OR6C70: variants seen among roughly 807,000 people sequenced by gnomAD.
OR6C70 encodes olfactory receptor family 6 subfamily C member 70.
For missense variants in OR6C70, 437 were observed against 357.5 expected, an observed-to-expected ratio of 1.22 and a Z score of -1.79; for synonymous variants, 157 against 130.8, an observed-to-expected ratio of 1.20 and a Z score of -1.36.
rs1555180702 is a variant in OR6C70, at chr12:55,469,592, G to A, written c.547C>T (p.Leu183=). 2.4e-5 allele frequency: 38 copies of A among 1,613,712 alleles called. No individual in the cohort carries two copies. The highest frequency in any genetic ancestry group is 3.3e-5 in the South Asian group (3 of 91,054). Residue 183 remains leucine, a synonymous_variant, in exon 1 of 1, where the codon CTA becomes TTA. Transcript: ENST00000327335. ...DHFICDISLI[L]QLSCSDTHLL... ...TGTGTGTCTGAGCAAGAAAGTTGTA[G>A]GATAAGAGAAATGTCACAAATGAAA...
At position 55,469,569 on chromosome 12, in the gene OR6C70, T is replaced by G. The variant is rs1347502002; in HGVS notation, c.570A>C (p.Thr190=). 6.2e-7 allele frequency: 1 copy of G among 1,613,482 alleles called. No homozygotes were observed. The highest frequency in any genetic ancestry group is 8.5e-7 in the Non-Finnish European group (1 of 1,179,546). The stretch of plus-strand genomic sequence containing the variant: ...AAAAGGCAATCAGTTCCAGTAAATG[T>G]GTGTCTGAGCAAGAAAGTTGTAGGA... ...SLILQLSCSD[T]HLLELIAFLL... Residue 190 remains threonine, a synonymous_variant, in exon 1 of 1, where the codon ACA becomes ACC. Transcript: ENST00000327335.
Position 55,470,094 on chromosome 12 carries a change from C to T in OR6C70, c.45G>A (p.Leu15=). Residue 15 remains leucine, a synonymous_variant, in exon 1 of 1, where the codon CTG becomes CTA. Transcript: ENST00000327335. ...TRQIEFILLG[L]TDNSQLQIVI... is the part of the protein sequence containing the mutation. ...CAATCTGTAACTGAGAATTATCCGT[C>T]AGTCCCAGAAGAATAAATTCTATCT... 1.2e-6 allele frequency: 2 copies of T among 1,610,952 alleles called. No individual in the cohort carries two copies. The highest frequency in any genetic ancestry group is 4.5e-5 in the East Asian group (2 of 44,846).
rs772695835 is a variant in OR6C70, at chr12:55,469,769, T to C, written c.370A>G (p.Ile124Val). ...AALSYDRYVAICKPLRYMSIM... is the reference protein window; with the variant it reads ...AALSYDRYVAVCKPLRYMSIM... Reference sequence around the variant, plus strand: ...GACATATAACGCAAAGGTTTGCAGATGGCAACATAGCGATCATAGGACAGA... The same window carrying C: ...GACATATAACGCAAAGGTTTGCAGACGGCAACATAGCGATCATAGGACAGA... Residue 124 changes from isoleucine to valine, a missense_variant, in exon 1 of 1, where the codon ATC becomes GTC. By Grantham distance (29) the Ile-to-Val change is conservative. Coordinates refer to ENST00000327335, the MANE Select transcript of OR6C70 (RefSeq NM_001005499.1). 2.2e-5 allele frequency: 35 copies of C among 1,613,966 alleles called. No homozygotes were observed. The highest frequency in any genetic ancestry group is 2.8e-5 in the Non-Finnish European group (33 of 1,179,974).
chr12:55,469,695 T>C lies in OR6C70; in HGVS notation c.444A>G (p.Val148=). The C allele has an allele frequency of 5.0e-6, 8 of 1,614,060 alleles. No individual in the cohort carries two copies. Among genetic ancestry groups the C allele is most frequent in the Non-Finnish European group, 5.9e-6 (7 of 1,179,950 alleles). Residue 148 remains valine, a synonymous_variant, in exon 1 of 1, where the codon GTA becomes GTG. Transcript: ENST00000327335. ...GAGTGAAAATGATCAGGAATCCAGTTACCCAAGAACTGAATACAAGCTGGT... is the reference window on the plus strand; with the variant it reads ...GAGTGAAAATGATCAGGAATCCAGTCACCCAAGAACTGAATACAAGCTGGT... ...VCYQLVFSSW[V]TGFLIIFTPL...
chr12:55,470,091 C>T lies in OR6C70; in HGVS notation c.48G>A (p.Thr16=), dbSNP rs762320452. ...RQIEFILLGL[T]DNSQLQIVIF... ...TTACAATCTGTAACTGAGAATTATCCGTCAGTCCCAGAAGAATAAATTCTA... is the reference window on the plus strand; with the variant it reads ...TTACAATCTGTAACTGAGAATTATCTGTCAGTCCCAGAAGAATAAATTCTA... The change falls in exon 1 of 1, where the codon ACG becomes ACA. Residue 16 remains threonine (T), a synonymous_variant. Coordinates refer to ENST00000327335, the MANE Select transcript of OR6C70 (RefSeq NM_001005499.1). The T allele has an allele frequency of 2.3e-5, 37 of 1,610,834 alleles. No individual in the cohort carries two copies. Among genetic ancestry groups the T allele is most frequent in the Middle Eastern group, 1.6e-4 (1 of 6,068 alleles).
Position 55,470,062 on chromosome 12 carries a change from A to G in OR6C70, c.77T>C (p.Phe26Ser), listed in dbSNP as rs776582475. 6.2e-7 allele frequency: 1 copy of G among 1,613,460 alleles called. No homozygotes were observed. Among genetic ancestry groups the G allele is most frequent in the Non-Finnish European group, 8.5e-7 (1 of 1,179,508 alleles). Residue 26 changes from phenylalanine (F) to serine (S), a missense_variant, in exon 1 of 1, where the codon TTC (phenylalanine) becomes TCC (serine). Phe to Ser is a radical substitution (Grantham distance 155, BLOSUM62 -2). Transcript: ENST00000327335. ...TDNSQLQIVI[F>S]LFLLLNCVLS... Reference sequence around the variant, plus strand: ...CACACAATTTAGAAGTAGAAATAAGAAAATTACAATCTGTAACTGAGAATT... The same window carrying G: ...CACACAATTTAGAAGTAGAAATAAGGAAATTACAATCTGTAACTGAGAATT...
rs1446554916 is a variant in OR6C70 at position 55,469,782 on chromosome 12, A to T, written c.357T>A (p.Asp119Glu). ...EFFLLAALSY[D>E]RYVAICKPLR... Reference sequence around the variant, plus strand: ...AAGGTTTGCAGATGGCAACATAGCGATCATAGGACAGAGCAGCTAGAAGGA... The same window carrying T: ...AAGGTTTGCAGATGGCAACATAGCGTTCATAGGACAGAGCAGCTAGAAGGA... Residue 119 changes from aspartate to glutamate, a missense_variant, in exon 1 of 1, where the codon GAT (aspartate) becomes GAA (glutamate). By Grantham distance (45) the Asp-to-Glu change is conservative. Transcript: ENST00000327335. 6.2e-7 allele frequency: 1 copy of T among 1,614,148 alleles called. No homozygotes were observed. The highest frequency in any genetic ancestry group is 8.5e-7 in the Non-Finnish European group (1 of 1,179,996).
rs1199369365 is a variant in OR6C70, at chr12:55,469,955, G to A, written c.184C>T (p.Arg62Cys). ...GAAATTTCCAGAAAAGAGAAATTAC[G>A]GAGGAAGAAATACATTGGAGTCTTG... is the stretch of plus-strand genomic sequence containing the variant. ...QLKTPMYFFL[R>C]NFSFLEISFT... The change falls in exon 1 of 1, where the codon CGT becomes TGT. Residue 62 changes from arginine (R) to cysteine (C), a missense_variant. Physicochemically the swap from Arg to Cys is radical, Grantham distance 180. Transcript: ENST00000327335. 5.6e-6 allele frequency: 9 copies of A among 1,613,722 alleles called. No homozygotes were observed. The highest frequency in any genetic ancestry group is 2.2e-5 in the East Asian group (1 of 44,870).
Position 55,470,112 on chromosome 12 carries a change from T to C in OR6C70, c.27A>G (p.Glu9=). 6.2e-7 allele frequency: 1 copy of C among 1,600,126 alleles called. No homozygotes were observed. The change falls in exon 1 of 1, where the codon GAA becomes GAG. Residue 9 remains glutamate (E), a synonymous_variant. Coordinates refer to ENST00000327335, the MANE Select transcript of OR6C70 (RefSeq NM_001005499.1). ...TATCCGTCAGTCCCAGAAGAATAAA[T>C]TCTATCTGCCTTGTATGATTCTTCA... The part of the protein sequence containing the change: MKNHTRQI[E]FILLGLTDNS...
chr12:55,469,267 C>T lies in OR6C70; in HGVS notation c.872G>A (p.Arg291Lys), dbSNP rs868122452. The T allele has an allele frequency of 3.7e-6, 6 of 1,613,188 alleles. No individual in the cohort carries two copies. Among genetic ancestry groups the T allele is most frequent in the African/African-American group, 2.7e-5 (2 of 74,884 alleles). The part of the protein sequence containing the change: ...PLLNPFIYTL[R>K]NQQVKQAFKA... The stretch of plus-strand genomic sequence containing the variant: ...GAAGGCTTGTTTAACTTGCTGATTC[C>T]TCAGAGTATAAATAAATGGGTTTAA... The change falls in exon 1 of 1, where the codon AGG becomes AAG. Residue 291 changes from arginine to lysine, a missense_variant. Coordinates refer to ENST00000327335, the MANE Select transcript of OR6C70 (RefSeq NM_001005499.1).
chr12:55,469,640 A>T lies in OR6C70; in HGVS notation c.499T>A (p.Cys167Ser). 6.2e-7 allele frequency: 1 copy of T among 1,613,982 alleles called. No individual in the cohort carries two copies. The highest frequency in any genetic ancestry group is 8.5e-7 in the Non-Finnish European group (1 of 1,179,822). Residue 167 changes from cysteine to serine, a missense_variant, in exon 1 of 1, where the codon TGT becomes AGT. Transcript: ENST00000327335. Reference protein sequence around the residue: ...PLILGLNLDFCASNIIDHFIC... With the variant: ...PLILGLNLDFSASNIIDHFIC... ...AAATGATCAATGATATTTGAAGCAC[A>T]GAAATCCAAGTTAAGACCTAAAATC...
chr12:55,469,523 TAA>T lies in OR6C70; in HGVS notation c.614_615del (p.Leu205HisfsTer47), dbSNP rs1871896118. 6.2e-7 allele frequency: 1 copy of T among 1,613,718 alleles called. No homozygotes were observed. The highest frequency in any genetic ancestry group is 1.3e-5 in the African/African-American group (1 of 74,936). On this transcript the variant is annotated frameshift_variant, in exon 1 of 1. Coordinates refer to ENST00000327335, the MANE Select transcript of OR6C70 (RefSeq NM_001005499.1). LOFTEE classifies it low-confidence loss of function (END_TRUNC). ...LIAFLLAVMT[L>X]IVTLFLVILS... ...AGGATTACTAAAAACAATGTGACAATAAGTGTCATCACAGCTAATAAAAAGGC... is the reference window on the plus strand; with the variant it reads ...AGGATTACTAAAAACAATGTGACAATGTGTCATCACAGCTAATAAAAAGGC...
chr12:55,469,499 G>C lies in OR6C70; in HGVS notation c.640C>G (p.Leu214Val), dbSNP rs566507422. The change falls in exon 1 of 1, where the codon CTT (leucine) becomes GTT (valine). Residue 214 changes from leucine to valine, a missense_variant. Transcript: ENST00000327335. ...GTCTTGATGATGTAAGAGTAAGAAAGGATTACTAAAAACAATGTGACAATA... is the reference window on the plus strand; with the variant it reads ...GTCTTGATGATGTAAGAGTAAGAAACGATTACTAAAAACAATGTGACAATA... ...TLIVTLFLVI[L>V]SYSYIIKTIL... The C allele has an allele frequency of 1.9e-6, 3 of 1,613,966 alleles. No individual in the cohort carries two copies. The African/African-American group carries it at 4.0e-5, about 22-fold the overall frequency.
At position 55,469,795 on chromosome 12, in the gene OR6C70, G is replaced by A. The variant is rs1159999714; in HGVS notation, c.344C>T (p.Ala115Val). The change falls in exon 1 of 1, where the codon GCT (alanine) becomes GTT (valine). Residue 115 changes from alanine to valine, a missense_variant. Ala to Val is a moderately conservative substitution (Grantham distance 64, BLOSUM62 0). Coordinates refer to ENST00000327335, the MANE Select transcript of OR6C70 (RefSeq NM_001005499.1). Reference protein sequence around the residue: ...LGVTEFFLLAALSYDRYVAIC... With the variant: ...LGVTEFFLLAVLSYDRYVAIC... ...GGCAACATAGCGATCATAGGACAGA[G>A]CAGCTAGAAGGAAAAATTCTGTAAC... 1 of 1,614,030 alleles carries A rather than the reference G, an allele frequency of 6.2e-7. No homozygotes were observed. The highest frequency in any genetic ancestry group is 8.5e-7 in the Non-Finnish European group (1 of 1,179,948).
rs753998115 is a variant in OR6C70 at position 55,470,024 on chromosome 12, C to T, written c.115G>A (p.Gly39Arg). The T allele has an allele frequency of 2.5e-6, 4 of 1,613,578 alleles. No individual in the cohort carries two copies. The highest frequency in any genetic ancestry group is 2.2e-5 in the South Asian group (2 of 91,066). The stretch of plus-strand genomic sequence containing the variant: ...ATGAGGGCAATGATAGTGAAGTTCC[C>T]TATCATGCTCAACACACAATTTAGA... ...LLLNCVLSMI[G>R]NFTIIALILL... Residue 39 changes from glycine (G) to arginine (R), a missense_variant, in exon 1 of 1, where the codon GGG becomes AGG. By Grantham distance (125) the Gly-to-Arg change is moderately radical. Coordinates refer to ENST00000327335, the MANE Select transcript of OR6C70 (RefSeq NM_001005499.1).
At position 55,469,209 on chromosome 12, in the gene OR6C70, T is replaced by G. The variant is rs1321690652; in HGVS notation, c.930A>C (p.Ser310=). The stretch of plus-strand genomic sequence containing the variant: ...ATTTCAACAAGTTGTATTACTTGTC[T>G]GAAGCAGAAAATATCTTTCTAAATA... ...KAVFRKIFSA[S]DK is the part of the protein sequence containing the mutation. Residue 310 remains serine, a synonymous_variant, in exon 1 of 1, where the codon TCA becomes TCC. Transcript: ENST00000327335. 6.3e-7 allele frequency: 1 copy of G among 1,589,698 alleles called. No individual in the cohort carries two copies. Among genetic ancestry groups the G allele is most frequent in the African/African-American group, 1.3e-5 (1 of 74,210 alleles).
Position 55,470,109 on chromosome 12 carries a change from A to C in OR6C70, c.30T>G (p.Phe10Leu), listed in dbSNP as rs766932410. MKNHTRQIE[F>L]ILLGLTDNSQ... ...AATTATCCGTCAGTCCCAGAAGAAT[A>C]AATTCTATCTGCCTTGTATGATTCT... Residue 10 changes from phenylalanine (F) to leucine (L), a missense_variant, in exon 1 of 1, where the codon TTT (phenylalanine) becomes TTG (leucine). Transcript: ENST00000327335. 19 of 1,601,006 alleles carry C rather than the reference A, an allele frequency of 1.2e-5. No individual in the cohort carries two copies. Among genetic ancestry groups the C allele is most frequent in the Admixed American group, 6.9e-5 (4 of 57,720 alleles).
chr12:55,469,830 T>C lies in OR6C70; in HGVS notation c.309A>G (p.Ile103Met), dbSNP rs1871907369. The change falls in exon 1 of 1, where the codon ATA becomes ATG. Residue 103 changes from isoleucine to methionine, a missense_variant. By Grantham distance (10) the Ile-to-Met change is conservative (BLOSUM62 1). Transcript: ENST00000327335. ...GGAAAAATTCTGTAACCCCCAAGAA[T>C]ATGTAAAAAAACAACTGAGATATGC... ...NGCISQLFFY[I>M]FLGVTEFFLL... 1 of 1,614,100 alleles carries C rather than the reference T, an allele frequency of 6.2e-7. No individual in the cohort carries two copies. The highest frequency in any genetic ancestry group is 8.5e-7 in the Non-Finnish European group (1 of 1,180,000).
rs961433376 is a variant in OR6C70 at position 55,469,401 on chromosome 12, G to A, written c.738C>T (p.Val246=). 1 of 1,613,932 alleles carries A rather than the reference G, an allele frequency of 6.2e-7. No individual in the cohort carries two copies. The highest frequency in any genetic ancestry group is 8.5e-7 in the Non-Finnish European group (1 of 1,179,870). ...FSTCSSHMIV[V]SITYGSCMFI... ...ACATACAACTACCATAAGTGATGGA[G>A]ACAACAATCATGTGAGAAGAGCAGG... is the stretch of plus-strand genomic sequence containing the variant. Residue 246 remains valine (V), a synonymous_variant, in exon 1 of 1, where the codon GTC becomes GTT. Coordinates refer to ENST00000327335, the MANE Select transcript of OR6C70 (RefSeq NM_001005499.1).
Sources: gnomAD v4.1 joint callset for allele counts on GRCh38, gnomAD v4.1.1 for gene constraint, MANE v1.5 for transcripts, NCBI Gene and HGNC (gene_info 2026-07-23, HGNC 2026-07-21) for gene names.